SDCCAG8: variants seen among roughly 807,000 people sequenced by gnomAD.
SDCCAG8 encodes the protein SHH signaling and ciliogenesis regulator SDCCAG8.
A neutral mutation model predicts 101.8 loss-of-function variants in SDCCAG8; 74 were observed. The ratio of observed to expected loss-of-function variants is 0.73; its 90% confidence interval spans 0.60 to 0.88. The LOEUF (loss-of-function observed/expected upper bound fraction) is 0.88, where lower values mean the gene tolerates loss of function less well. SDCCAG8 is among the 40% of genes least tolerant of loss of function. The pLI is 0.00. For synonymous variants in SDCCAG8, 281 were observed against 292.9 expected (o/e 0.96, Z 0.41); for missense variants, 787 against 822.6 (o/e 0.96, Z 0.53).
chr1:243,395,518 G>A (rs2078982578), intron 13 of SDCCAG8, among the ~76,000 whole-genome samples: 1 of 152,086 alleles, frequency 6.6e-6, no homozygotes, highest in Admixed American at 6.5e-5. Flanking sequence ...ACACCTCCTA[G>A]AATTCATATT....
At position 243,436,207 on chromosome 1, in the gene SDCCAG8, G is replaced by A. The variant is rs1029897756; in HGVS notation, c.1985+9649G>A. Among the ~76,000 whole-genome samples the A allele has an allele frequency of 5.6e-5, 8 of 143,758 alleles. No homozygotes were observed. The Admixed American group carries it at 5.6e-4, about 10-fold the overall frequency. 94.3% of individuals were successfully genotyped at this position (143,758 alleles called of 152,430 possible). On this transcript the variant is annotated intron_variant, in intron 16 of 17. Transcript: ENST00000366541. ...TTTGAGCAGTGGCAAGGTTTTTTGT[G>A]AAGAGCAAAAGAACAAAGCTTCCAC... is the stretch of plus-strand genomic sequence containing the variant.
At chr1:243,276,459 G>A (rs2068581371) in intron 4 of SDCCAG8, among the ~76,000 whole-genome samples, 1 of 152,130 alleles carries the variant, frequency 6.6e-6, no homozygotes, top group African/African-American at 2.4e-5. Context: ...GAAAGATTTT[G>A]TTTATTTAGT....
At chr1:243,499,196 AAG>A (rs1248205691) in intron 17 of SDCCAG8, among the ~76,000 whole-genome samples, 2 of 152,232 alleles carry the variant, frequency 1.3e-5, no homozygotes, top group Non-Finnish European at 2.9e-5. Context: ...GCGTAAAACT[AAG>A]AGACCTCAGT....
intron 5 of SDCCAG8, among the ~76,000 whole-genome samples, chr1:243,290,816 A>G (rs2070176535): frequency 1.3e-5 from 2 of 152,086 alleles, no homozygotes; most frequent in South Asian, 4.1e-4. Flanking sequence ...TGCCCTTAGT[A>G]TCCCTCCTGT....
chr1:243,344,663 A>G (rs1247591057), intron 12 of SDCCAG8, among the ~76,000 whole-genome samples: 5 of 152,232 alleles, frequency 3.3e-5, no homozygotes, highest in Non-Finnish European at 7.4e-5. Context: ...AGTTCTTGAA[A>G]GATGCCAACT....
intron 16 of SDCCAG8, among the ~76,000 whole-genome samples, chr1:243,470,546 G>A (rs1237161904): frequency 5.4e-5 from 8 of 148,554 alleles, no homozygotes; most frequent in Admixed American, 1.4e-4. Context: ...GAAGCAGCCC[G>A]TGCACTCACA....
chr1:243,463,488 T>G (rs1386377139), intron 16 of SDCCAG8, among the ~76,000 whole-genome samples: 2 of 152,234 alleles, frequency 1.3e-5, no homozygotes, highest in East Asian at 3.8e-4. Flanking sequence ...TGTGCCTTGC[T>G]GGACCTCCTG....
rs1447643726 is a variant in SDCCAG8 at position 243,474,425 on chromosome 1, G to T, written c.1986-14589G>T. ...GCTGCCCTCCAGGTGCGGGCTCCAG[G>T]CCCTCTCGCGCGGCTTCGGGACTCG... On this transcript the variant is annotated intron_variant, in intron 16 of 17. Coordinates refer to ENST00000366541, the MANE Select transcript of SDCCAG8 (RefSeq NM_006642.5). This position sits in a 1 kb window ranked among gnomAD's most constrained non-coding sequence, Gnocchi z 4.7. Among the ~76,000 whole-genome samples the T allele has an allele frequency of 6.6e-6, 1 of 152,204 alleles. No individual in the cohort carries two copies. Among genetic ancestry groups the T allele is most frequent in the African/African-American group, 2.4e-5 (1 of 41,466 alleles).
At chr1:243,268,738 T>C (rs1265682814) in intron 1 of SDCCAG8, among the ~76,000 whole-genome samples, 1 of 152,198 alleles carries the variant, frequency 6.6e-6, no homozygotes, top group African/African-American at 2.4e-5. Flanking sequence ...AACTTTGAAA[T>C]CAGTGCACTT....
chr1:243,273,474 T>G (rs1397870075), intron 3 of SDCCAG8, among the ~76,000 whole-genome samples: 2 of 152,178 alleles, frequency 1.3e-5, no homozygotes, highest in Non-Finnish European at 2.9e-5. Flanking sequence ...AAAATAGCAT[T>G]AGCGTTTTTT....
At chr1:243,473,924 G>GC (rs1250219978) in intron 16 of SDCCAG8, among the ~76,000 whole-genome samples, 1 of 104,526 alleles carries the variant, frequency 9.6e-6, no homozygotes, top group African/African-American at 3.9e-5. Flanking sequence ...GTTGCCGGCG[G>GC]GGGGGGGGGG....
chr1:243,426,398 A>T (rs1414593350), intron 15 of SDCCAG8, 29 bp from the exon 16 acceptor site: 1 of 1,596,838 alleles, frequency 6.3e-7, no homozygotes, highest in Admixed American at 1.7e-5. Context: ...AACTTCTAAC[A>T]TCTATTATTT....
At chr1:243,473,896 T>G (rs1661728932) in intron 16 of SDCCAG8, among the ~76,000 whole-genome samples, 1 of 93,168 alleles carries the variant, frequency 1.1e-5, no homozygotes, top group Non-Finnish European at 2.1e-5. Context: ...TACAAATGAG[T>G]TTGGTTATTG....
intron 15 of SDCCAG8, among the ~76,000 whole-genome samples, chr1:243,425,521 G>T (rs1036163383): frequency 6.6e-6 from 1 of 150,828 alleles, no homozygotes; most frequent in Non-Finnish European, 1.5e-5. Flanking sequence ...TCTTTGAAGG[G>T]AATTAATTTT....
At chr1:243,276,956 C>T (rs919453945) in intron 4 of SDCCAG8, among the ~76,000 whole-genome samples, 2 of 152,082 alleles carry the variant, frequency 1.3e-5, no homozygotes, top group South Asian at 2.1e-4. Context: ...CAAGTTTCCT[C>T]CTTGTCTTTT....
intron 13 of SDCCAG8, among the ~76,000 whole-genome samples, chr1:243,399,022 A>T (rs1308106109): frequency 6.6e-6 from 1 of 152,210 alleles, no homozygotes; most frequent in Non-Finnish European, 1.5e-5. Context: ...CCTGCAACCT[A>T]CCAGACAAGG....
intron 16 of SDCCAG8, among the ~76,000 whole-genome samples, chr1:243,469,343 C>A (rs1381169744): frequency 6.6e-6 from 1 of 152,084 alleles, no homozygotes; most frequent in Non-Finnish European, 1.5e-5. Context: ...TAGCTACCTA[C>A]AAAAGATATT....
At chr1:243,323,527 T>C (rs1199033171) in intron 9 of SDCCAG8, among the ~76,000 whole-genome samples, 2 of 152,086 alleles carry the variant, frequency 1.3e-5, no homozygotes, top group Non-Finnish European at 2.9e-5. Context: ...CCACTGTTTT[T>C]CCCCCTCATC....
At chr1:243,316,658 G>A in intron 8 of SDCCAG8, 97 bp from the exon 9 acceptor site, 1 of 1,457,272 alleles carries the variant, frequency 6.9e-7, no homozygotes, top group East Asian at 2.3e-5. Flanking sequence ...GCCTACCCTG[G>A]CTCTTCTAAT....
Sources: allele counts gnomAD v4.1 joint callset (sites outside exome capture counted in the v4.1 genomes callset), GRCh38; gene constraint gnomAD v4.1.1; non-coding constraint Gnocchi (gnomAD v3.1); transcripts MANE v1.5; gene names NCBI Gene and HGNC (gene_info 2026-07-23, HGNC 2026-07-21).